ZBTB25: variants seen among roughly 807,000 people sequenced by gnomAD.
The protein encoded by ZBTB25 is zinc finger and BTB domain-containing protein 25.
A neutral mutation model predicts 34.2 loss-of-function variants in ZBTB25; 20 were observed. The ratio of observed to expected loss-of-function variants is 0.58; its 90% CI spans 0.41 to 0.85. The LOEUF (loss-of-function observed/expected upper bound fraction) is 0.85. Ranked by LOEUF, ZBTB25 falls within the 40% of genes least tolerant of loss-of-function variation. The pLI is 0.00. For missense variants in ZBTB25, 437 were observed against 521.8 expected, an observed-to-expected ratio of 0.84 and a Z score of 1.58; for synonymous variants, 175 against 186.4, an observed-to-expected ratio of 0.94 and a Z score of 0.50.
chr14:64,460,203 C>A, intron 2 of ZBTB25: 1 of 359,198 alleles, frequency 2.8e-6, no homozygotes. Flanking sequence ...CAGGGGACCT[C>A]CTGAGAGGGT....
chr14:64,494,122 T>G (rs1349424223), intron 1 of ZBTB25, among the ~76,000 whole-genome samples: 2 of 151,512 alleles, frequency 1.3e-5, no homozygotes, highest in Non-Finnish European at 2.9e-5. Context: ...AAAGACAAAA[T>G]AAGACAGAGG....
intron 2 of ZBTB25, among the ~76,000 whole-genome samples, chr14:64,489,623 C>T (rs1338168276): frequency 1.3e-5 from 2 of 151,452 alleles, no homozygotes; most frequent in Non-Finnish European, 2.9e-5. Flanking sequence ...GCAACCTTCA[C>T]CTCATAGGTA....
intron 2 of ZBTB25, among the ~76,000 whole-genome samples, chr14:64,490,033 C>T (rs1402412612): frequency 6.7e-6 from 1 of 149,358 alleles, no homozygotes. Flanking sequence ...CATGGTGAAA[C>T]CCTGCCTCTA....
intron 2 of ZBTB25, chr14:64,461,132 T>A (rs1257935762): frequency 1.3e-5 from 2 of 152,206 alleles, no homozygotes; most frequent in African/African-American, 4.8e-5. Flanking sequence ...CTCCCTCCAC[T>A]GGATCCTTCC....
intron 2 of ZBTB25, among the ~76,000 whole-genome samples, chr14:64,451,232 G>A (rs187981712): frequency 1.9e-3 from 293 of 152,116 alleles, no homozygotes; most frequent in African/African-American, 6.7e-3. Context: ...ATATTGCTCA[G>A]GCTGGTCTCG....
In ZBTB25 at chr14:64,482,557, CA is replaced by C. The variant is rs1292967148; in HGVS notation, c.*4365del. The stretch of plus-strand genomic sequence containing the variant: ...GAACTTTCAATAAAGCTGAAATTGA[CA>C]AAGTTTTATTCCCAATAATGCCAAA... On this transcript the variant is annotated 3_prime_UTR_variant, in exon 3 of 3. Transcript: ENST00000608382. 6.6e-6 allele frequency: 1 copy of C among 152,122 alleles called. No homozygotes were observed. Among genetic ancestry groups the C allele is most frequent in the East Asian group, 1.9e-4 (1 of 5,194 alleles). 9.4% of individuals were successfully genotyped at this position (152,122 alleles called of 1,614,324 possible).
rs112137460 is a variant in ZBTB25, at chr14:64,463,111, G to A, written c.174-13473C>T. On this transcript the variant is annotated intron_variant, in intron 2 of 2. Transcript: ENST00000555220. Reference sequence around the variant, plus strand: ...CCTATTTCCTGTTATATAATGAAAAGCTACTAATGGGGTAGTAGACAATGA... The same window carrying A: ...CCTATTTCCTGTTATATAATGAAAAACTACTAATGGGGTAGTAGACAATGA... 1.1e-4 allele frequency: 17 copies of A among 152,192 alleles called. 1 individual carries two copies. Among genetic ancestry groups the A allele is most frequent in the African/African-American group, 3.4e-4 (14 of 41,492 alleles). 9.4% of individuals were successfully genotyped at this position (152,192 alleles called of 1,614,324 possible).
intron 1 of ZBTB25, chr14:64,503,397 G>C: frequency 3.0e-6 from 3 of 985,432 alleles, no homozygotes; most frequent in Non-Finnish European, 3.6e-6. Context: ...GCGGCACCCC[G>C]TGTGCCACCC....
Position 64,449,426 on chromosome 14 carries a change from T to C in ZBTB25, c.*125A>G, listed in dbSNP as rs770679268. On this transcript the variant is annotated 3_prime_UTR_variant, in exon 3 of 3. Transcript: ENST00000555220. The stretch of plus-strand genomic sequence containing the variant: ...TCCAGCCATTTTCCATGCTTTGATA[T>C]GAAATGCTTCCTTTATAGGACGGAT... 2 of 1,612,332 alleles carry C rather than the reference T, an allele frequency of 1.2e-6. No homozygotes were observed. Among genetic ancestry groups the C allele is most frequent in the Non-Finnish European group, 1.7e-6 (2 of 1,179,830 alleles).
intron 2 of ZBTB25, among the ~76,000 whole-genome samples, chr14:64,455,743 G>A (rs1037171271): frequency 5.3e-5 from 8 of 152,194 alleles, no homozygotes; most frequent in South Asian, 4.1e-4. Flanking sequence ...AGTTGAAAAC[G>A]TAGGACATTA....
Position 64,449,194 on chromosome 14 carries a change from C to T in ZBTB25, c.*357G>A, listed in dbSNP as rs755579935. 66 of 543,132 alleles carry T rather than the reference C, an allele frequency of 1.2e-4. 2 individuals carry two copies. The highest frequency in any genetic ancestry group is 5.1e-4 in the Middle Eastern group (1 of 1,970). 33.6% of individuals were successfully genotyped at this position (543,132 alleles called of 1,614,324 possible). On this transcript the variant is annotated 3_prime_UTR_variant, in exon 3 of 3. Transcript: ENST00000555220. The stretch of plus-strand genomic sequence containing the variant: ...TGGATTTACCATCTGAGTCTCATAA[C>T]GTCCCAATGAAATAAGTGCTGTGAT...
At chr14:64,474,229 G>A (rs892870134), downstream of ZBTB25, 1 of 167,064 alleles carries the variant, frequency 6.0e-6, no homozygotes, top group African/African-American at 2.4e-5. Flanking sequence ...GTTTGAAAGT[G>A]TTCCGTTTTT....
Position 64,480,013 on chromosome 14 carries a change from A to T in ZBTB25, c.*6910T>A, listed in dbSNP as rs902958599. The T allele has an allele frequency of 1.9e-5, 3 of 156,916 alleles. No homozygotes were observed. The highest frequency in any genetic ancestry group is 4.2e-5 in the Non-Finnish European group (3 of 71,052). The allele number at this position is 156,916 out of a possible 1,614,324, so 9.7% of individuals were successfully genotyped here. ...TGTTACTGGGGGCAAAAGGCGATAC[A>T]GTAGACTGTAAATAGAGAAGAAAGA... On this transcript the variant is annotated 3_prime_UTR_variant, in exon 3 of 3. Transcript: ENST00000608382.
rs963119377 is a variant in ZBTB25 at position 64,503,329 on chromosome 14, T to C, written c.-8+332A>G. 117 of 985,260 alleles carry C rather than the reference T, an allele frequency of 1.2e-4. 1 individual carries two copies. The highest frequency in any genetic ancestry group is 4.0e-5 in the Non-Finnish European group (33 of 829,936). 61.0% of individuals were successfully genotyped at this position (985,260 alleles called of 1,614,324 possible). On this transcript the variant is annotated intron_variant, in intron 1 of 2. Transcript: ENST00000608382. ...TACCCGAGGGAGGCCGCAGGCCTAC[T>C]GGGGTTTCCTGCTGGGGGTCGCACC...
rs1596614899 is a variant in ZBTB25 at position 64,487,714 on chromosome 14, C to T, written c.517G>A (p.Ala173Thr). 1 of 1,613,534 alleles carries T rather than the reference C, an allele frequency of 6.2e-7. No homozygotes were observed. The highest frequency in any genetic ancestry group is 8.5e-7 in the Non-Finnish European group (1 of 1,179,756). The change falls in exon 3 of 3, where the codon GCT becomes ACT. Residue 173 changes from alanine to threonine, a missense_variant. Physicochemically the swap from Ala to Thr is moderately conservative, Grantham distance 58 (BLOSUM62 0). Transcript: ENST00000608382. ...GCAGTGCCATCATCCAGACCAATAGCAAGAGACAACTGCAACTGGGGGTGG... is the reference window on the plus strand; with the variant it reads ...GCAGTGCCATCATCCAGACCAATAGTAAGAGACAACTGCAACTGGGGGTGG... ...GDHPQLQLSL[A>T]IGLDDGTADQ...
chr14:64,457,251 A>AT (rs1462548571), intron 2 of ZBTB25, among the ~76,000 whole-genome samples: 1 of 152,186 alleles, frequency 6.6e-6, no homozygotes, highest in Non-Finnish European at 1.5e-5. Context: ...AACAAAATTT[A>AT]AAAGCAGGCA....
At chr14:64,452,021 G>A (rs2078380893) in intron 2 of ZBTB25, among the ~76,000 whole-genome samples, 1 of 152,128 alleles carries the variant, frequency 6.6e-6, no homozygotes, top group African/African-American at 2.4e-5. Flanking sequence ...ACTTGGCTGG[G>A]CGCTGTGGTC....
At chr14:64,501,851 G>C (rs746507134) in intron 1 of ZBTB25, among the ~76,000 whole-genome samples, 9 of 152,178 alleles carry the variant, frequency 5.9e-5, no homozygotes. Flanking sequence ...CACTTTGTAA[G>C]GCATAGAGGG....
At chr14:64,503,121 G>C in intron 1 of ZBTB25, 14 of 985,450 alleles carry the variant, frequency 1.4e-5, no homozygotes, top group Non-Finnish European at 1.7e-5. Flanking sequence ...TGATAAGATG[G>C]GTCAAGCTTC....
Sources: gnomAD v4.1 joint callset for allele counts (sites outside exome capture counted in the v4.1 genomes callset) on GRCh38, gnomAD v4.1.1 for gene constraint, MANE v1.5 for transcripts, NCBI Gene and HGNC (gene_info 2026-07-23, HGNC 2026-07-21) for gene names.